Variants in DIP2C observed in about 807,000 individuals in gnomAD.
DIP2C encodes disco-interacting protein 2 homolog C.
DIP2C carries 33 observed loss-of-function variants against 192.4 expected under a neutral mutation model. That is an observed-to-expected ratio of 0.17 (90% confidence interval 0.13 to 0.23). The LOEUF (loss-of-function observed/expected upper bound fraction) is 0.23, where lower values mean the gene tolerates loss of function less well. DIP2C is among the 10% of genes least tolerant of loss of function. DIP2C has a pLI of 1.00. For missense variants in DIP2C, 1,537 were observed against 2,110.1 expected (o/e 0.73, Z 5.32); for synonymous variants, 979 against 864.1 (o/e 1.13, Z -2.33).
chr10:302,836 T>G (rs907416498), intron 32 of DIP2C, among the ~76,000 whole-genome samples: 1 of 152,192 alleles, frequency 6.6e-6, no homozygotes, highest in Non-Finnish European at 1.5e-5. Flanking sequence ...ACAGAGCTTG[T>G]AGGACGGGAA....
At chr10:499,365 C>A (rs369685843) in intron 1 of DIP2C, among the ~76,000 whole-genome samples, 1 of 152,196 alleles carries the variant, frequency 6.6e-6, no homozygotes, top group Non-Finnish European at 1.5e-5. Flanking sequence ...TCTGTTTTCA[C>A]GCTGCTATAA....
intron 1 of DIP2C, among the ~76,000 whole-genome samples, chr10:595,322 A>G (rs1184092657): frequency 2.0e-5 from 3 of 152,224 alleles, no homozygotes; most frequent in Non-Finnish European, 4.4e-5. Flanking sequence ...TTTGGTTTTA[A>G]TATACAAACT....
intron 2 of DIP2C, among the ~76,000 whole-genome samples, chr10:477,882 G>A (rs1349244969): frequency 7.8e-6 from 1 of 128,134 alleles, no homozygotes; most frequent in African/African-American, 3.0e-5. Flanking sequence ...AAGAAAACGA[G>A]AGAGAAGAAA....
At chr10:408,900 G>C (rs1348619119) in intron 9 of DIP2C, 26 bp downstream of exon 9, 1 of 1,610,596 alleles carries the variant, frequency 6.2e-7, no homozygotes, top group African/African-American at 1.3e-5. Flanking sequence ...GTGTTTTGTA[G>C]ATCCAGCAGT....
At chr10:455,071 G>C (rs1414996326) in intron 3 of DIP2C, among the ~76,000 whole-genome samples, 1 of 152,188 alleles carries the variant, frequency 6.6e-6, no homozygotes, top group African/African-American at 2.4e-5. Context: ...AGACAACCAT[G>C]AGTCAACAGA....
intron 28 of DIP2C, among the ~76,000 whole-genome samples, chr10:342,629 G>C (rs1393552978): frequency 6.6e-6 from 1 of 152,168 alleles, no homozygotes; most frequent in Non-Finnish European, 1.5e-5. Flanking sequence ...CTGTCTTAAT[G>C]ATCAGAAAGT....
intron 9 of DIP2C, among the ~76,000 whole-genome samples, chr10:407,178 C>T (rs904806328): frequency 1.8e-4 from 28 of 152,204 alleles, no homozygotes; most frequent in Admixed American, 1.8e-3. Flanking sequence ...GGCCAGGCAG[C>T]GGGCAAGGTG....
chr10:569,896 T>C (rs942459171), intron 1 of DIP2C, among the ~76,000 whole-genome samples: 2 of 152,206 alleles, frequency 1.3e-5, no homozygotes, highest in Admixed American at 1.3e-4. Context: ...TACCTTCCTA[T>C]GTCCATAAGT....
chr10:566,714 G>A (rs1469359187), intron 1 of DIP2C, among the ~76,000 whole-genome samples: 1 of 152,240 alleles, frequency 6.6e-6, no homozygotes, highest in Non-Finnish European at 1.5e-5. Flanking sequence ...CAACAACGGT[G>A]CCTCTGAGGG....
At chr10:299,989 ACT>A (rs1275985119) in intron 32 of DIP2C, among the ~76,000 whole-genome samples, 1 of 152,158 alleles carries the variant, frequency 6.6e-6, no homozygotes, top group Non-Finnish European at 1.5e-5. Context: ...TAGGATAACT[ACT>A]CTCAAAAAAA....
chr10:557,283 T>C (rs1250593863), intron 1 of DIP2C, among the ~76,000 whole-genome samples: 1 of 152,128 alleles, frequency 6.6e-6, no homozygotes, highest in African/African-American at 2.4e-5. Flanking sequence ...AACCTACAGA[T>C]AGCCACAGCC....
At chr10:337,953 G>A (rs1957945965) in intron 29 of DIP2C, among the ~76,000 whole-genome samples, 1 of 145,570 alleles carries the variant, frequency 6.9e-6, no homozygotes, top group Admixed American at 6.8e-5. Flanking sequence ...GGCCTAGACA[G>A]TCGTGTGTGT....
rs774120365 is a variant in DIP2C, at chr10:362,482, G to A, written c.2794+8C>T. The A allele has an allele frequency of 5.6e-6, 9 of 1,612,972 alleles. No individual in the cohort carries two copies. In the East Asian group the frequency reaches 1.3e-4, roughly 24 times the overall value. ...GCACCTCACAAGCTGCCCAAGTGGT[G>A]CACATACCTGGCTGCTTCTGTCGAG... On this transcript the variant is annotated splice_region_variant and intron_variant, in intron 22 of 36. Transcript: ENST00000280886.
intron 1 of DIP2C, among the ~76,000 whole-genome samples, chr10:607,486 G>C (rs540550825): frequency 2.6e-5 from 4 of 152,098 alleles, no homozygotes; most frequent in African/African-American, 4.8e-5. Flanking sequence ...ATCTTAAATG[G>C]TATCTATGAG....
chr10:482,023 C>G (rs1270938830), intron 2 of DIP2C, among the ~76,000 whole-genome samples: 1 of 152,218 alleles, frequency 6.6e-6, no homozygotes, highest in African/African-American at 2.4e-5. Flanking sequence ...AGTGGTATTT[C>G]AGAGACAGGA....
chr10:503,724 T>C (rs923614837), intron 1 of DIP2C, among the ~76,000 whole-genome samples: 1 of 152,244 alleles, frequency 6.6e-6, no homozygotes, highest in Non-Finnish European at 1.5e-5. Context: ...TAACGTTTGC[T>C]GGCCTCTATA....
rs532202187 is a variant in DIP2C, at chr10:342,716, C to T, written c.3454-1387G>A. 1.6e-3 allele frequency among the ~76,000 whole-genome samples: 239 copies of T among 152,298 alleles called. 1 individual carries two copies. The highest frequency in any genetic ancestry group is 2.8e-3 in the Non-Finnish European group (193 of 68,022). On this transcript the variant is annotated intron_variant, in intron 28 of 36. Coordinates refer to ENST00000280886, the MANE Select transcript of DIP2C (RefSeq NM_014974.3). ...AGGAGTTAGAGCCCAGGTCCTCCTA[C>T]ACTCCAGGGCCCTTCACTATCTTCC...
Position 477,243 on chromosome 10 carries a change from G to A in DIP2C, c.158-4694C>T, listed in dbSNP as rs546645453. ...CAGGAAGAATGGAGGAACGAATGGAGAAAAGAATGGATGGATAGGAGGTAG... is the reference window on the plus strand; with the variant it reads ...CAGGAAGAATGGAGGAACGAATGGAAAAAAGAATGGATGGATAGGAGGTAG... On this transcript the variant is annotated intron_variant, in intron 2 of 36. Coordinates refer to ENST00000280886, the MANE Select transcript of DIP2C (RefSeq NM_014974.3). Among the ~76,000 whole-genome samples the A allele has an allele frequency of 1.1e-3, 132 of 114,942 alleles. 1 individual carries two copies. Among genetic ancestry groups the A allele is most frequent in the Non-Finnish European group, 1.9e-3 (107 of 57,722 alleles). 75.4% of individuals were successfully genotyped at this position (114,942 alleles called of 152,430 possible). A position where few individuals can be genotyped will look rare whatever the true frequency, so the allele number is the denominator to read the frequency against.
intron 30 of DIP2C, among the ~76,000 whole-genome samples, chr10:327,975 C>A (rs1957348585): frequency 6.6e-6 from 1 of 152,164 alleles, no homozygotes; most frequent in Admixed American, 6.6e-5. Context: ...AAGGGAGCGA[C>A]AGGAATGGCT....
Sources: gnomAD v4.1 joint callset for allele counts (sites outside exome capture counted in the v4.1 genomes callset) on GRCh38, gnomAD v4.1.1 for gene constraint, MANE v1.5 for transcripts, NCBI Gene and HGNC (gene_info 2026-07-23, HGNC 2026-07-21) for gene names.